Variants in ST14 observed in about 807,000 individuals in gnomAD.
ST14 encodes the protein ST14 transmembrane serine protease matriptase.
ST14 carries 40 observed loss-of-function variants against 96.5 expected under a neutral mutation model. The ratio of observed to expected loss-of-function variants is 0.41; its 90% confidence interval spans 0.32 to 0.54. The LOEUF (loss-of-function observed/expected upper bound fraction) is 0.54. Ranked by LOEUF, ST14 falls within the 20% of genes least tolerant of loss-of-function variation. The pLI, the probability that ST14 is intolerant of heterozygous loss-of-function variation, is 0.17. For synonymous variants in ST14, 506 were observed against 492.1 expected (o/e 1.03, Z -0.37); for missense variants, 1,066 against 1,188.9 (o/e 0.90, Z 1.52).
In ST14 at chr11:130,159,933, G is replaced by A. The variant is rs537127965; in HGVS notation, c.-47G>A. 4.1e-5 allele frequency: 48 copies of A among 1,184,692 alleles called. No individual in the cohort carries two copies. The African/African-American group carries it at 6.9e-4, about 17-fold the overall frequency. 73.4% of individuals were successfully genotyped at this position (1,184,692 alleles called of 1,614,324 possible). On this transcript the variant is annotated 5_prime_UTR_variant, in exon 1 of 19. Coordinates refer to ENST00000278742, the MANE Select transcript of ST14 (RefSeq NM_021978.4). Reference sequence around the variant, plus strand: ...GCCCTGCGGGCCATGGGAGCCGGCCGCCGGCAGGGACGACGCCTGTGAGAC... The same window carrying A: ...GCCCTGCGGGCCATGGGAGCCGGCCACCGGCAGGGACGACGCCTGTGAGAC...
At chr11:130,197,816 G>GC in intron 11 of ST14, 25 bp from the exon 12 acceptor site, 1 of 1,534,222 alleles carries the variant, frequency 6.5e-7, no homozygotes. Context: ...GGTGCTGGGG[G>GC]CCTCAGGCCT....
chr11:130,198,470 C>A (rs188543086), intron 13 of ST14, 38 bp from the exon 14 acceptor site: 1 of 1,612,644 alleles, frequency 6.2e-7, no homozygotes, highest in South Asian at 1.1e-5. Context: ...GGGCGACTGA[C>A]GGTGGCTCCT....
Position 130,170,112 on chromosome 11 carries a change from G to A in ST14, c.81+10052G>A, listed in dbSNP as rs561204462. 3.3e-5 allele frequency among the ~76,000 whole-genome samples: 5 copies of A among 152,208 alleles called. No homozygotes were observed. The South Asian group carries it at 6.2e-4, about 19-fold the overall frequency. On this transcript the variant is annotated intron_variant, in intron 1 of 18. Transcript: ENST00000278742. ...GTCCTGGTGTGTGTGTTTTGGGGGC[G>A]ACACACTGAACTGAGGACCAGGAGA...
intron 16 of ST14, among the ~76,000 whole-genome samples, chr11:130,205,065 T>G (rs370655859): frequency 1.2e-4 from 19 of 152,182 alleles, no homozygotes; most frequent in African/African-American, 4.6e-4. Context: ...ATGTTTTATT[T>G]TGAAATTTTT....
intron 7 of ST14, among the ~76,000 whole-genome samples, chr11:130,192,887 C>T (rs1441501186): frequency 6.6e-6 from 1 of 152,150 alleles, no homozygotes; most frequent in Non-Finnish European, 1.5e-5. Context: ...ATCAGGATGA[C>T]ATGGTTGTGA....
At position 130,194,851 on chromosome 11, in the gene ST14, CATGT is replaced by C. The variant is rs1253346146; in HGVS notation, c.1113+115_1113+118del. 178 of 883,612 alleles carry C rather than the reference CATGT, an allele frequency of 2.0e-4. 1 individual carries two copies. Among genetic ancestry groups the C allele is most frequent in the East Asian group, 3.9e-4 (13 of 33,404 alleles). The allele number at this position is 883,612 out of a possible 1,614,324, so 54.7% of individuals were successfully genotyped here. A position where few individuals can be genotyped will look rare whatever the true frequency, so the allele number is the denominator to read the frequency against. On this transcript the variant is annotated intron_variant, in intron 9 of 18. Transcript: ENST00000278742. Reference sequence around the variant, plus strand: ...GTGTGCATGTGTTTGCATATGTGTGCATGTGTGTGTGTGTGTGTGTGTGTGCGTA... The same window carrying C: ...GTGTGCATGTGTTTGCATATGTGTGCGTGTGTGTGTGTGTGTGTGTGCGTA...
intron 1 of ST14, among the ~76,000 whole-genome samples, chr11:130,185,681 AGCACATTCTCAAG>A (rs1565622337): frequency 6.6e-6 from 1 of 152,230 alleles, no homozygotes; most frequent in Non-Finnish European, 1.5e-5. Flanking sequence ...CCCAATTCAA[AGCACATTCTCAAG>A]GCTTTCAAAG....
At chr11:130,170,764 C>T (rs1216106234) in intron 1 of ST14, among the ~76,000 whole-genome samples, 2 of 152,116 alleles carry the variant, frequency 1.3e-5, no homozygotes, top group Non-Finnish European at 2.9e-5. Flanking sequence ...AAAGGAGTGA[C>T]GACCCATATA....
intron 1 of ST14, among the ~76,000 whole-genome samples, chr11:130,175,504 C>T (rs985420666): frequency 2.0e-5 from 3 of 151,870 alleles, no homozygotes; most frequent in Non-Finnish European, 2.9e-5. Flanking sequence ...CTCAGCCTCC[C>T]GAGTAGCTGG....
At chr11:130,199,093 T>A in intron 15 of ST14, 24 bp downstream of exon 15, 1 of 1,608,348 alleles carries the variant, frequency 6.2e-7, no homozygotes, top group Non-Finnish European at 8.5e-7. Flanking sequence ...CCGAGTACGG[T>A]TGTGCAGGTT....
intron 1 of ST14, among the ~76,000 whole-genome samples, chr11:130,179,529 A>G (rs1015288071): frequency 6.6e-6 from 1 of 152,028 alleles, no homozygotes; most frequent in Admixed American, 6.5e-5. Context: ...CTGGACTGCC[A>G]TGGTGGCAGG....
rs769003668 is a variant in ST14, at chr11:130,188,540, G to T, written c.252G>T (p.Val84=). 4.3e-6 allele frequency: 7 copies of T among 1,613,984 alleles called. No homozygotes were observed. The African/African-American group carries it at 9.3e-5, about 22-fold the overall frequency. ...FLVWHLQYRD[V]RVQKVFNGYM... ...TCTGGTCTCACACAGACCGGGACGT[G>T]CGTGTCCAGAAGGTCTTCAATGGCT... Residue 84 remains valine, a synonymous_variant, in exon 3 of 19, where the codon GTG becomes GTT. Coordinates refer to ENST00000278742, the MANE Select transcript of ST14 (RefSeq NM_021978.4). This position sits in a 1 kb window ranked among gnomAD's most constrained non-coding sequence, Gnocchi z 5.4.
At chr11:130,168,391 A>T (rs908231387) in intron 1 of ST14, among the ~76,000 whole-genome samples, 16 of 152,302 alleles carry the variant, frequency 1.1e-4, no homozygotes, top group African/African-American at 3.8e-4. Flanking sequence ...GGAGTTGAGC[A>T]TGTTTAGCCA....
chr11:130,207,025 G>A (rs1411469860), intron 16 of ST14, among the ~76,000 whole-genome samples: 1 of 152,100 alleles, frequency 6.6e-6, no homozygotes, highest in Non-Finnish European at 1.5e-5. Flanking sequence ...TTATTTCGGG[G>A]TTCTTATTGT....
At chr11:130,177,830 T>G (rs1953155093) in intron 1 of ST14, among the ~76,000 whole-genome samples, 1 of 152,222 alleles carries the variant, frequency 6.6e-6, no homozygotes, top group Admixed American at 6.5e-5. Flanking sequence ...AATTTAAGTT[T>G]TAGTGGAGGC....
chr11:130,206,507 C>A (rs1031691061), intron 16 of ST14, among the ~76,000 whole-genome samples: 5 of 152,130 alleles, frequency 3.3e-5, no homozygotes, highest in Non-Finnish European at 5.9e-5. Context: ...CTTATTGTAC[C>A]GTTTCTTCAG....
intron 10 of ST14, 35 bp downstream of exon 10, chr11:130,196,483 A>G (rs1953365874): frequency 6.3e-7 from 1 of 1,589,502 alleles, no homozygotes. Flanking sequence ...TGCCGGGCCC[A>G]TGCTGCAGGG....
At chr11:130,189,993 C>T in intron 5 of ST14, 97 bp downstream of exon 5, 1 of 1,608,270 alleles carries the variant, frequency 6.2e-7, no homozygotes, top group Non-Finnish European at 8.5e-7. Context: ...ACTCCCAGGG[C>T]CCAGTGCCCC....
intron 9 of ST14, 111 bp downstream of exon 9, chr11:130,194,848 G>A: frequency 1.1e-6 from 1 of 887,018 alleles, no homozygotes; most frequent in South Asian, 1.4e-5. Flanking sequence ...TTGCATATGT[G>A]TGCATGTGTG....
Sources: gnomAD v4.1 joint callset for allele counts (sites outside exome capture counted in the v4.1 genomes callset) on GRCh38, gnomAD v4.1.1 for gene constraint, Gnocchi (gnomAD v3.1) non-coding constraint, MANE v1.5 for transcripts, NCBI Gene and HGNC (gene_info 2026-07-23, HGNC 2026-07-21) for gene names.